The following MAPK8 variants were observed in gnomAD, a reference collection of about 807,000 sequenced individuals.
MAPK8 encodes the protein JUN N-terminal kinase.
In MAPK8, 13 loss-of-function variants were observed where a neutral mutation model predicts 52.9. That is an observed-to-expected ratio of 0.25 (90% CI 0.16 to 0.39). The LOEUF (loss-of-function observed/expected upper bound fraction) is 0.39. Among genes scored for constraint, MAPK8 ranks in the 10% least tolerant of loss-of-function variants. The pLI is 1.00. For missense variants in MAPK8, 300 were observed against 519.2 expected (o/e 0.58, Z 4.10); for synonymous variants, 191 against 169.8 (o/e 1.12, Z -0.97).
At chr10:48,376,508 A>G (rs1336675866) in intron 1 of MAPK8, among the ~76,000 whole-genome samples, 1 of 152,250 alleles carries the variant, frequency 6.6e-6, no homozygotes, top group East Asian at 1.9e-4. Context: ...AATATCCAGA[A>G]TCTACAAAGA....
chr10:48,356,160 A>T (rs1846913445), intron 1 of MAPK8, among the ~76,000 whole-genome samples: 1 of 152,216 alleles, frequency 6.6e-6, no homozygotes, highest in African/African-American at 2.4e-5. Context: ...CTAAACAAAC[A>T]TTTTTATAAA....
intron 1 of MAPK8, among the ~76,000 whole-genome samples, chr10:48,389,474 A>G (rs1373107982): frequency 6.6e-6 from 1 of 152,200 alleles, no homozygotes; most frequent in Non-Finnish European, 1.5e-5. Flanking sequence ...AGACCAGGGC[A>G]AGCCTCTGGC....
In MAPK8 at chr10:48,434,939, T is replaced by C. The variant is rs959786981; in HGVS notation, c.1194T>C (p.Asp398=). ...CATCATCATCGTCGTCTGTCAATGA[T>C]GTGTCTTCAATGTCAACAGATCCGA... ...QHPSSSSSVN[D]VSSMSTDPTL... Residue 398 remains aspartate (D), a synonymous_variant, in exon 12 of 12, where the codon GAT becomes GAC. Transcript: ENST00000374189. 4 of 1,613,474 alleles carry C rather than the reference T, an allele frequency of 2.5e-6. No homozygotes were observed. The highest frequency in any genetic ancestry group is 1.3e-5 in the African/African-American group (1 of 74,764).
At chr10:48,333,995 C>A (rs183844778) in intron 1 of MAPK8, among the ~76,000 whole-genome samples, 1 of 151,960 alleles carries the variant, frequency 6.6e-6, no homozygotes, top group Non-Finnish European at 1.5e-5. Flanking sequence ...ACCCACCACC[C>A]GCTGAGCTGG....
At chr10:48,387,322 C>T (rs1443290739) in intron 1 of MAPK8, among the ~76,000 whole-genome samples, 1 of 152,118 alleles carries the variant, frequency 6.6e-6, no homozygotes, top group Non-Finnish European at 1.5e-5. Flanking sequence ...GCTAATTATA[C>T]TGATGCTTAA....
rs57796922 is a variant in MAPK8 at position 48,418,237 on chromosome 10, G to C, written c.451-1918G>C. Among the ~76,000 whole-genome samples the C allele has an allele frequency of 3.5e-3, 530 of 152,240 alleles. 4 individuals carry two copies. The highest frequency in any genetic ancestry group is 0.012 in the African/African-American group (517 of 41,548). ...AACCTAGATCACCTTTCCAGCCTTC[G>C]ATGTGAGTTTCCCTGCTGCTCAACT... On this transcript the variant is annotated intron_variant, in intron 5 of 11. Coordinates refer to ENST00000374189, the MANE Select transcript of MAPK8 (RefSeq NM_001323329.2).
chr10:48,363,035 A>T (rs1275812314), intron 1 of MAPK8, among the ~76,000 whole-genome samples: 1 of 152,004 alleles, frequency 6.6e-6, no homozygotes, highest in East Asian at 1.9e-4. Flanking sequence ...CGCCACACCT[A>T]GCGTGGTATT....
intron 1 of MAPK8, among the ~76,000 whole-genome samples, chr10:48,343,343 T>G (rs1197327244): frequency 6.6e-6 from 1 of 152,160 alleles, no homozygotes; most frequent in Non-Finnish European, 1.5e-5. Flanking sequence ...TCAGATTGCC[T>G]CCTCCTTTTC....
At chr10:48,380,246 A>C (rs569762411) in intron 1 of MAPK8, among the ~76,000 whole-genome samples, 1 of 152,330 alleles carries the variant, frequency 6.6e-6, no homozygotes, top group African/African-American at 2.4e-5. Flanking sequence ...CGTCTCAAAA[A>C]AAAGACATGA....
In MAPK8 at chr10:48,431,181, C is replaced by A; in HGVS notation, c.1061-12C>A. 6.4e-7 allele frequency: 1 copy of A among 1,573,094 alleles called. No individual in the cohort carries two copies. On this transcript the variant is annotated splice_polypyrimidine_tract_variant and intron_variant, in intron 10 of 11. Transcript: ENST00000374189. Reference sequence around the variant, plus strand: ...ACTTTGAAAAGTTCATTTTTGTTTACTTCTTTTACAGAATTGATATATAAG... The same window carrying A: ...ACTTTGAAAAGTTCATTTTTGTTTAATTCTTTTACAGAATTGATATATAAG...
At chr10:48,422,693 G>C (rs1363540404) in intron 6 of MAPK8, among the ~76,000 whole-genome samples, 1 of 152,086 alleles carries the variant, frequency 6.6e-6, no homozygotes, top group Admixed American at 6.5e-5. Context: ...TTTTCTCTGA[G>C]GCACTAATTT....
At chr10:48,320,261 G>C (rs1050868344) in intron 1 of MAPK8, among the ~76,000 whole-genome samples, 1 of 111,824 alleles carries the variant, frequency 8.9e-6, no homozygotes, top group African/African-American at 3.5e-5. Context: ...ATCAGGTCTT[G>C]CTCTGTCACC....
chr10:48,384,338 C>T (rs770638521), intron 1 of MAPK8, among the ~76,000 whole-genome samples: 16 of 152,198 alleles, frequency 1.1e-4, no homozygotes, highest in Non-Finnish European at 2.2e-4. Context: ...AGTGACTCAG[C>T]ACTCCCTCTC....
rs947509151 is a variant in MAPK8, at chr10:48,401,652, C to G, written c.-9C>G. 1.2e-6 allele frequency: 2 copies of G among 1,610,058 alleles called. No individual in the cohort carries two copies. The highest frequency in any genetic ancestry group is 3.3e-4 in the Middle Eastern group (2 of 6,044). The stretch of plus-strand genomic sequence containing the variant: ...TTGGATGAAGCCATTAAATTAATTG[C>G]TTGCCATCATGAGCAGAAGCAAGCG... On this transcript the variant is annotated 5_prime_UTR_variant, in exon 2 of 12. Coordinates refer to ENST00000374189, the MANE Select transcript of MAPK8 (RefSeq NM_001323329.2).
chr10:48,362,982 G>T lies in MAPK8; in HGVS notation c.-49-38630G>T, dbSNP rs528624731. On this transcript the variant is annotated intron_variant, in intron 1 of 11. Coordinates refer to ENST00000374189, the MANE Select transcript of MAPK8 (RefSeq NM_001323329.2). Reference sequence around the variant, plus strand: ...TCTCGAACTCCTGACTTCATGATCCGCCCACTTCGGCCTCCCAAAGGGTTG... The same window carrying T: ...TCTCGAACTCCTGACTTCATGATCCTCCCACTTCGGCCTCCCAAAGGGTTG... 3.0e-4 allele frequency among the ~76,000 whole-genome samples: 46 copies of T among 152,032 alleles called. 1 individual carries two copies. In the Middle Eastern group the frequency reaches 0.01, roughly 34 times the overall value.
chr10:48,387,896 G>C (rs551141654), intron 1 of MAPK8, among the ~76,000 whole-genome samples: 2 of 152,186 alleles, frequency 1.3e-5, no homozygotes, highest in African/African-American at 4.8e-5. Context: ...TGCACTCTGG[G>C]CTCGAGTCTA....
chr10:48,427,186 T>A (rs749833581), intron 10 of MAPK8, 43 bp downstream of exon 10: 2 of 1,477,804 alleles, frequency 1.4e-6, no homozygotes, highest in Non-Finnish European at 1.9e-6. Flanking sequence ...TGAAGGAGCT[T>A]CTGGTTTTTA....
chr10:48,350,776 G>T (rs541504635), intron 1 of MAPK8, among the ~76,000 whole-genome samples: 99 of 152,230 alleles, frequency 6.5e-4, no homozygotes, highest in African/African-American at 2.3e-3. Context: ...GGGCAATCAG[G>T]CAAGAGAAAT....
chr10:48,349,999 A>G (rs1846152607), intron 1 of MAPK8, among the ~76,000 whole-genome samples: 1 of 152,238 alleles, frequency 6.6e-6, no homozygotes, highest in South Asian at 2.1e-4. Flanking sequence ...CTCTATGCAA[A>G]TAAACTAGAA....
Sources: gnomAD v4.1 joint callset for allele counts (sites outside exome capture counted in the v4.1 genomes callset) on GRCh38, gnomAD v4.1.1 for gene constraint, MANE v1.5 for transcripts, NCBI Gene and HGNC (gene_info 2026-07-23, HGNC 2026-07-21) for gene names.